Variants in KANTR observed in about 807,000 individuals in gnomAD.
KANTR encodes KDM5C adjacent transcript.
intron 2 of KANTR, among the ~76,000 whole-genome samples, chrX:53,109,371 G>A (rs782427597): frequency 5.4e-5 from 6 of 112,071 alleles, no homozygotes; most frequent in South Asian, 7.4e-4. Context: ...TGCAACCTCC[G>A]CCTCCCAGTT....
chrX:53,137,442 G>A (rs781869825), intron 2 of KANTR, among the ~76,000 whole-genome samples: 9 of 111,614 alleles, frequency 8.1e-5, no homozygotes, highest in Non-Finnish European at 1.5e-4. Flanking sequence ...TATTTTTCTG[G>A]TCAGGCTCAG....
chrX:53,108,753 C>T (rs1372450074), intron 2 of KANTR, among the ~76,000 whole-genome samples: 5 of 108,486 alleles, frequency 4.6e-5, no homozygotes, highest in East Asian at 2.9e-4. Context: ...CAGGCTGCAG[C>T]GCAGCGGTGT....
chrX:53,105,919 G>A (rs1216377448), intron 2 of KANTR, among the ~76,000 whole-genome samples: 5 of 92,517 alleles, frequency 5.4e-5, no homozygotes, highest in Non-Finnish European at 6.3e-5. Flanking sequence ...GTGCAGTGGC[G>A]CGATCTCGGC....
At chrX:53,112,259 T>C (rs1164527014) in intron 2 of KANTR, among the ~76,000 whole-genome samples, 1 of 112,151 alleles carries the variant, frequency 8.9e-6, no homozygotes, top group African/African-American at 3.2e-5. Context: ...TCACTTAAAA[T>C]AATGGTCTCC....
intron 3 of KANTR, among the ~76,000 whole-genome samples, chrX:53,147,811 A>T (rs1430053541): frequency 1.8e-5 from 2 of 111,623 alleles, no homozygotes; most frequent in Non-Finnish European, 3.8e-5. Flanking sequence ...GGATTAAGAA[A>T]CTCACTCAAA....
intron 2 of KANTR, among the ~76,000 whole-genome samples, chrX:53,138,964 C>G (rs984932581): frequency 1.3e-4 from 14 of 110,356 alleles, no homozygotes; most frequent in Admixed American, 1.9e-4. Context: ...CCTGTAATCT[C>G]AGCGCTTTGG....
At chrX:53,121,296 C>T (rs1556815482) in intron 2 of KANTR, among the ~76,000 whole-genome samples, 1 of 111,938 alleles carries the variant, frequency 8.9e-6, no homozygotes, top group Non-Finnish European at 1.9e-5. Context: ...CCACCATGCC[C>T]GGCCCTAAAC....
At chrX:53,143,631 C>T, downstream of KANTR, 1 of 739,210 alleles carries the variant, frequency 1.4e-6, no homozygotes, top group Non-Finnish European at 2.1e-6. Flanking sequence ...GGGTCATGCA[C>T]AGCTCGTTGT....
downstream of KANTR, among the ~76,000 whole-genome samples, chrX:53,146,001 G>A (rs1361310136): frequency 1.8e-5 from 2 of 111,284 alleles, no homozygotes; most frequent in Non-Finnish European, 3.8e-5. Flanking sequence ...CCATCTGTAT[G>A]TCACCATCAT....
At chrX:53,113,566 CTTTTTTTTTT>C (rs782348418) in intron 2 of KANTR, among the ~76,000 whole-genome samples, 1 of 69,673 alleles carries the variant, frequency 1.4e-5, no homozygotes, top group Non-Finnish European at 2.8e-5. Context: ...CCTGATTGTT[CTTTTTTTTTT>C]TTTTTTTTTT....
chrX:53,101,956 C>T (rs1279340030), intron 2 of KANTR, among the ~76,000 whole-genome samples: 1 of 107,387 alleles, frequency 9.3e-6, no homozygotes, highest in Non-Finnish European at 1.9e-5. Context: ...GCTGAGATCA[C>T]GCCACTGCAC....
At chrX:53,106,014 T>C (rs781797202) in intron 2 of KANTR, among the ~76,000 whole-genome samples, 3 of 105,414 alleles carry the variant, frequency 2.8e-5, no homozygotes, top group Non-Finnish European at 5.8e-5. Flanking sequence ...CCCGCCACCA[T>C]GCCCAGCTAA....
intron 2 of KANTR, among the ~76,000 whole-genome samples, chrX:53,117,506 AT>A (rs1449384543): frequency 1.0e-5 from 1 of 99,040 alleles, no homozygotes; most frequent in South Asian, 4.5e-4. Flanking sequence ...GATATATGGG[AT>A]TTTTTTTCAT....
chrX:53,114,498 G>T (rs1933094601), intron 2 of KANTR, among the ~76,000 whole-genome samples: 1 of 112,791 alleles, frequency 8.9e-6, no homozygotes, highest in Admixed American at 9.3e-5. Flanking sequence ...CATCTGGCAT[G>T]TTCTGTGGGC....
At chrX:53,110,670 A>G (rs1437086234) in intron 2 of KANTR, among the ~76,000 whole-genome samples, 1 of 111,975 alleles carries the variant, frequency 8.9e-6, no homozygotes, top group Non-Finnish European at 1.9e-5. Context: ...CACGCCTGTA[A>G]TCCCAGCACT....
chrX:53,123,238 C>T (rs1602123236), intron 2 of KANTR, among the ~76,000 whole-genome samples: 2 of 107,461 alleles, frequency 1.9e-5, no homozygotes, highest in African/African-American at 6.8e-5. Flanking sequence ...TCTTAACAGT[C>T]GCCATCCATA....
At chrX:53,101,103 C>A (rs193146952) in intron 2 of KANTR, among the ~76,000 whole-genome samples, 27 of 112,900 alleles carry the variant, frequency 2.4e-4, no homozygotes, top group Non-Finnish European at 4.7e-4. Flanking sequence ...ACCACCCAAA[C>A]TTTCTCCATA....
downstream of KANTR, among the ~76,000 whole-genome samples, chrX:53,129,235 T>G (rs1171889572): frequency 9.6e-5 from 8 of 83,370 alleles, no homozygotes; most frequent in African/African-American, 3.4e-4. Context: ...GCCTGGCTAT[T>G]TGTGTGTGTG....
At chrX:53,131,084 T>A (rs893837890), downstream of KANTR, among the ~76,000 whole-genome samples, 1 of 111,102 alleles carries the variant, frequency 9.0e-6, no homozygotes, top group Non-Finnish European at 1.9e-5. Context: ...ACACCTTTAT[T>A]AAGGGGCAAG....
Sources: allele counts gnomAD v4.1 joint callset (sites outside exome capture counted in the v4.1 genomes callset), GRCh38; gene constraint gnomAD v4.1.1; transcripts MANE v1.5; gene names NCBI Gene and HGNC (gene_info 2026-07-23, HGNC 2026-07-21).